The following LNPEP variants were observed in gnomAD, a reference collection of about 807,000 sequenced individuals.
The protein encoded by LNPEP is leucyl and cystinyl aminopeptidase.
In LNPEP, 64 loss-of-function variants were observed where a neutral mutation model predicts 120.6. The ratio of observed to expected loss-of-function variants is 0.53; its 90% confidence interval spans 0.43 to 0.65. The LOEUF is 0.65. Ranked by LOEUF, LNPEP falls within the 30% of genes least tolerant of loss-of-function variation. The pLI is 0.00. For missense variants in LNPEP, 1,057 were observed against 1,200.0 expected (o/e 0.88, Z 1.76); for synonymous variants, 435 against 425.4 (o/e 1.02, Z -0.28).
intron 11 of LNPEP, among the ~76,000 whole-genome samples, chr5:97,011,834 TAAGAC>T (rs1790935869): frequency 6.6e-6 from 1 of 152,246 alleles, no homozygotes; most frequent in Admixed American, 6.5e-5. Flanking sequence ...TATGTCCTGT[TAAGAC>T]ATGATCAGAA....
In LNPEP at chr5:96,998,649, G is replaced by T. The variant is rs369886664; in HGVS notation, c.1653+504G>T. Among the ~76,000 whole-genome samples, 13 of 152,290 alleles carry T rather than the reference G, an allele frequency of 8.5e-5. No homozygotes were observed. In the East Asian group the frequency reaches 2.3e-3, roughly 27 times the overall value. On this transcript the variant is annotated intron_variant, in intron 8 of 17. Coordinates refer to ENST00000231368, the MANE Select transcript of LNPEP (RefSeq NM_005575.3). ...GATCACCATAGGTCGGAGAATAGAAGAATAGTGATAACGGTGTCATTCACA... is the reference window on the plus strand; with the variant it reads ...GATCACCATAGGTCGGAGAATAGAATAATAGTGATAACGGTGTCATTCACA...
At chr5:97,023,751 T>C (rs1169412645) in intron 14 of LNPEP, among the ~76,000 whole-genome samples, 1 of 152,140 alleles carries the variant, frequency 6.6e-6, no homozygotes, top group Admixed American at 6.5e-5. Context: ...CACCTGGAAG[T>C]AGTATTGCTG....
At chr5:96,963,171 C>T (rs1789646854) in intron 1 of LNPEP, among the ~76,000 whole-genome samples, 1 of 152,078 alleles carries the variant, frequency 6.6e-6, no homozygotes, top group Admixed American at 6.6e-5. Context: ...CATATAATTT[C>T]AATTTTGTCT....
At chr5:97,027,050 A>C (rs111982463) in intron 16 of LNPEP, among the ~76,000 whole-genome samples, 37 of 152,304 alleles carry the variant, frequency 2.4e-4, no homozygotes, top group African/African-American at 7.2e-4. Context: ...TTAGCTATGC[A>C]TATTGAAAAA....
chr5:96,965,212 C>T (rs1003200135), intron 1 of LNPEP, among the ~76,000 whole-genome samples: 3 of 151,990 alleles, frequency 2.0e-5, no homozygotes, highest in Admixed American at 6.6e-5. Flanking sequence ...CTAACATTGT[C>T]TTAGTGACCA....
chr5:97,014,058 A>G (rs1270853667), intron 12 of LNPEP, among the ~76,000 whole-genome samples: 2 of 152,172 alleles, frequency 1.3e-5, no homozygotes, highest in Non-Finnish European at 2.9e-5. Flanking sequence ...ATTCAAGACT[A>G]GATATCAAAA....
At chr5:96,981,926 AC>A (rs1790134805) in intron 2 of LNPEP, among the ~76,000 whole-genome samples, 1 of 152,114 alleles carries the variant, frequency 6.6e-6, no homozygotes, top group Middle Eastern at 3.4e-3. Context: ...TTTTTGATCT[AC>A]CCTTGTTTTT....
intron 1 of LNPEP, among the ~76,000 whole-genome samples, chr5:96,953,032 G>A (rs1789361388): frequency 6.6e-6 from 1 of 152,170 alleles, no homozygotes; most frequent in Non-Finnish European, 1.5e-5. Context: ...CTTTTTCTGG[G>A]CTTTCTGGGG....
chr5:97,027,694 C>A, intron 16 of LNPEP, 39 bp from the exon 17 acceptor site: 1 of 1,257,628 alleles, frequency 8.0e-7, no homozygotes, highest in Non-Finnish European at 1.2e-6. Flanking sequence ...TTACCAGCAG[C>A]TGCCTAATCT....
intron 2 of LNPEP, 41 bp from the exon 3 acceptor site, chr5:96,985,039 G>C: frequency 1.2e-6 from 2 of 1,610,082 alleles, no homozygotes; most frequent in African/African-American, 1.3e-5. Context: ...TTGTACAGTA[G>C]GTGCTCAGTA....
At chr5:96,993,671 C>A in intron 5 of LNPEP, 146 bp from the exon 6 acceptor site, 2 of 772,606 alleles carry the variant, frequency 2.6e-6, no homozygotes, top group Admixed American at 2.6e-5. Flanking sequence ...AGAGAGCATA[C>A]AGAGCTAGAA....
In LNPEP at chr5:96,956,886, C is replaced by G. The variant is rs1789482229; in HGVS notation, c.19+20712C>G. Among the ~76,000 whole-genome samples the G allele has an allele frequency of 1.3e-5, 2 of 152,134 alleles. 1 individual carries two copies. The highest frequency in any genetic ancestry group is 4.1e-4 in the South Asian group (2 of 4,834). ...TCATTTCTGTTAATCTTTAAGTTCA[C>G]TGACTTTTTTTTCTTTGTCATCACC... On this transcript the variant is annotated intron_variant, in intron 1 of 17. Transcript: ENST00000231368.
intron 1 of LNPEP, among the ~76,000 whole-genome samples, chr5:96,967,024 T>C (rs1789743134): frequency 1.3e-5 from 2 of 152,124 alleles, no homozygotes; most frequent in African/African-American, 2.4e-5. Context: ...TTGACGTCTT[T>C]TAGGGTCAGC....
chr5:96,944,560 CTTTTTTTT>C (rs60017687), intron 1 of LNPEP, among the ~76,000 whole-genome samples: 48 of 56,350 alleles, frequency 8.5e-4, no homozygotes, highest in African/African-American at 2.7e-3. Flanking sequence ...CTTATTTTTG[CTTTTTTTT>C]TTTTTTTTTT....
chr5:96,961,537 T>A (rs922738856), intron 1 of LNPEP, among the ~76,000 whole-genome samples: 2 of 152,178 alleles, frequency 1.3e-5, no homozygotes, highest in African/African-American at 2.4e-5. Flanking sequence ...AGCTATTTTT[T>A]AAAAAAGCTT....
intron 1 of LNPEP, among the ~76,000 whole-genome samples, chr5:96,970,857 G>A (rs1789844230): frequency 6.6e-6 from 1 of 151,400 alleles, no homozygotes; most frequent in Non-Finnish European, 1.5e-5. Flanking sequence ...TTATTTTTTG[G>A]TTTTAAGCAT....
chr5:97,011,792 AT>A (rs1790934787), intron 11 of LNPEP, among the ~76,000 whole-genome samples: 1 of 152,136 alleles, frequency 6.6e-6, no homozygotes, highest in Non-Finnish European at 1.5e-5. Flanking sequence ...TAAGTACGGA[AT>A]TTTTTTAGTA....
intron 1 of LNPEP, chr5:96,937,678 A>G (rs1004457005): frequency 2.0e-5 from 3 of 152,190 alleles, no homozygotes; most frequent in Non-Finnish European, 4.4e-5. Flanking sequence ...AATCTCTGTG[A>G]TGAGGCTGAC....
chr5:96,967,070 G>A (rs1183683346), intron 1 of LNPEP, among the ~76,000 whole-genome samples: 1 of 151,986 alleles, frequency 6.6e-6, no homozygotes, highest in Non-Finnish European at 1.5e-5. Context: ...CAGGTATAGT[G>A]GAACTTTAGA....
Sources: allele counts gnomAD v4.1 joint callset (sites outside exome capture counted in the v4.1 genomes callset), GRCh38; gene constraint gnomAD v4.1.1; transcripts MANE v1.5; gene names NCBI Gene and HGNC (gene_info 2026-07-23, HGNC 2026-07-21).